Variants in SYNDIG1L observed in about 807,000 individuals in gnomAD.
SYNDIG1L encodes the protein synapse differentiation-inducing gene protein 1-like.
A neutral mutation model predicts 20.1 loss-of-function variants in SYNDIG1L; 13 were observed. The observed-to-expected ratio is 0.65, with a 90% CI of 0.42 to 1.03. SYNDIG1L has a LOEUF of 1.03. SYNDIG1L is among the 50% of genes least tolerant of loss of function. The probability of loss-of-function intolerance (pLI) is 0.00; values close to 1 mark genes in which losing one functional copy is unlikely to be tolerated. For synonymous variants in SYNDIG1L, 128 were observed against 129.3 expected (o/e 0.99, Z 0.07); for missense variants, 294 against 305.1 (o/e 0.96, Z 0.27).
intron 1 of SYNDIG1L, among the ~76,000 whole-genome samples, chr14:74,419,465 C>T (rs115753888): frequency 5.3e-5 from 8 of 152,140 alleles, no homozygotes; most frequent in African/African-American, 1.7e-4. Flanking sequence ...GAAGAAAGTA[C>T]TTTCCAGGAT....
chr14:74,429,363 C>T (rs911500771), upstream of SYNDIG1L, among the ~76,000 whole-genome samples: 1 of 152,256 alleles, frequency 6.6e-6, no homozygotes, highest in Non-Finnish European at 1.5e-5. Flanking sequence ...TTGGAGTCAG[C>T]TCCGGCTGCT....
chr14:74,433,158 G>A, the SYNDIG1L span, among the ~76,000 whole-genome samples: 1 of 151,946 alleles, frequency 6.6e-6, no homozygotes, highest in Non-Finnish European at 1.5e-5. Flanking sequence ...GAGATGCTGT[G>A]GGGGGCTGGT....
At chr14:74,436,837 C>T in the SYNDIG1L span, among the ~76,000 whole-genome samples, 10 of 125,826 alleles carry the variant, frequency 7.9e-5, no homozygotes, top group East Asian at 6.8e-4. Flanking sequence ...GCGACAAGAG[C>T]GAAACTCGTC....
intron 1 of SYNDIG1L, among the ~76,000 whole-genome samples, chr14:74,414,730 C>G (rs1048671735): frequency 2.6e-5 from 4 of 152,034 alleles, no homozygotes; most frequent in Non-Finnish European, 4.4e-5. Flanking sequence ...GACCATGTGC[C>G]GGGAACTGTT....
chr14:74,467,022 A>G, the SYNDIG1L span, among the ~76,000 whole-genome samples: 11 of 152,302 alleles, frequency 7.2e-5, no homozygotes, highest in South Asian at 1.7e-3. Context: ...TGACTGCAGA[A>G]TGTTTCCAGG....
chr14:74,470,173 CT>C, the SYNDIG1L span, among the ~76,000 whole-genome samples: 6 of 151,406 alleles, frequency 4.0e-5, no homozygotes, highest in Non-Finnish European at 7.4e-5. Context: ...TCTACCTTCC[CT>C]TTTTAAAAAA....
At chr14:74,471,060 A>G in the SYNDIG1L span, among the ~76,000 whole-genome samples, 1 of 152,210 alleles carries the variant, frequency 6.6e-6, no homozygotes, top group Admixed American at 6.5e-5. Context: ...TAACAATGGA[A>G]ACCTGCAGAG....
the SYNDIG1L span, among the ~76,000 whole-genome samples, chr14:74,452,327 T>C: frequency 2.6e-5 from 4 of 152,174 alleles, no homozygotes; most frequent in Non-Finnish European, 4.4e-5. Context: ...CCAAGTCTCA[T>C]CTTGAATTGT....
At chr14:74,426,344 G>A (rs2086266286), upstream of SYNDIG1L, among the ~76,000 whole-genome samples, 1 of 151,736 alleles carries the variant, frequency 6.6e-6, no homozygotes, top group Admixed American at 6.6e-5. Flanking sequence ...CTCCGGGGCG[G>A]GGCGGGGCGG....
At position 74,425,911 on chromosome 14, in the gene SYNDIG1L, C is replaced by A. The variant is rs1215652647; in HGVS notation, c.-58+1G>T. 1 of 152,156 alleles carries A rather than the reference C, an allele frequency of 6.6e-6. No homozygotes were observed. The highest frequency in any genetic ancestry group is 1.5e-5 in the Non-Finnish European group (1 of 68,042). The allele number at this position is 152,156 out of a possible 1,614,324, so 9.4% of individuals were successfully genotyped here. On this transcript the variant is annotated splice_donor_variant, in intron 1 of 3. Transcript: ENST00000331628. LOFTEE classifies it low-confidence loss of function (5UTR_SPLICE). ...CGCGGCGCCCCCAGACCGCCCCTTACCTGTCCCGCCGCGGACGGTCCCGCC... is the reference window on the plus strand; with the variant it reads ...CGCGGCGCCCCCAGACCGCCCCTTAACTGTCCCGCCGCGGACGGTCCCGCC...
chr14:74,433,988 G>T, the SYNDIG1L span, among the ~76,000 whole-genome samples: 3 of 152,098 alleles, frequency 2.0e-5, no homozygotes, highest in Non-Finnish European at 4.4e-5. Context: ...TTAAGAGTTT[G>T]CAATATCATG....
chr14:74,453,866 TGAG>T, the SYNDIG1L span, among the ~76,000 whole-genome samples: 1 of 152,010 alleles, frequency 6.6e-6, no homozygotes, highest in South Asian at 2.1e-4. Flanking sequence ...CTTGGGAGGC[TGAG>T]GAGGAGAATT....
chr14:74,427,598 T>C (rs535404592), upstream of SYNDIG1L, among the ~76,000 whole-genome samples: 1 of 152,300 alleles, frequency 6.6e-6, no homozygotes, highest in South Asian at 2.1e-4. Context: ...GTTTAACTTG[T>C]TGGGTGCTAA....
At chr14:74,440,318 A>G in the SYNDIG1L span, among the ~76,000 whole-genome samples, 2 of 152,054 alleles carry the variant, frequency 1.3e-5, no homozygotes, top group African/African-American at 4.8e-5. Context: ...GACCGAGACC[A>G]TCCTGGCTAA....
At chr14:74,449,456 A>AAAAAC in the SYNDIG1L span, among the ~76,000 whole-genome samples, 61 of 142,612 alleles carry the variant, frequency 4.3e-4, 1 homozygote, top group African/African-American at 1.5e-3. Context: ...AAAAAAAAAA[A>AAAAAC]AAAAAAAAAG....
the SYNDIG1L span, among the ~76,000 whole-genome samples, chr14:74,440,675 A>G: frequency 3.3e-5 from 5 of 152,104 alleles, no homozygotes; most frequent in Middle Eastern, 3.4e-3. Context: ...ACACAGCGAG[A>G]CTCTGTCTAA....
chr14:74,440,514 C>CA, the SYNDIG1L span, among the ~76,000 whole-genome samples: 2 of 48,502 alleles, frequency 4.1e-5, no homozygotes, highest in African/African-American at 3.3e-4. Flanking sequence ...GACTCCGTCT[C>CA]ATAAAAAAAA....
the SYNDIG1L span, among the ~76,000 whole-genome samples, chr14:74,459,276 G>T: frequency 6.6e-6 from 1 of 152,174 alleles, no homozygotes; most frequent in Non-Finnish European, 1.5e-5. Context: ...AGCACTTTGG[G>T]AGGCTGAGGC....
chr14:74,440,468 T>G, the SYNDIG1L span, among the ~76,000 whole-genome samples: 3 of 142,758 alleles, frequency 2.1e-5, no homozygotes, highest in Admixed American at 1.4e-4. Flanking sequence ...TGAGCCAAGA[T>G]CGCGCCACTG....
Sources: gnomAD v4.1 joint callset for allele counts (sites outside exome capture counted in the v4.1 genomes callset) on GRCh38, gnomAD v4.1.1 for gene constraint, MANE v1.5 for transcripts, NCBI Gene and HGNC (gene_info 2026-07-23, HGNC 2026-07-21) for gene names.